GREM2: variants seen among roughly 807,000 people sequenced by gnomAD.
GREM2 encodes gremlin 2, DAN family BMP antagonist, also known as gremlin-2.
In GREM2, 11 loss-of-function variants were observed where a neutral mutation model predicts 14.2. The ratio of observed to expected loss-of-function variants is 0.78; its 90% CI spans 0.49 to 1.28. GREM2 has a LOEUF of 1.28. Ranked by LOEUF, GREM2 falls within the 50% of genes most tolerant of loss-of-function variation. The probability of loss-of-function intolerance (pLI) is 0.00; values close to 1 mark genes in which losing one functional copy is unlikely to be tolerated. For missense variants in GREM2, 210 were observed against 218.5 expected (o/e 0.96, Z 0.24); for synonymous variants, 98 against 97.6 (o/e 1.00, Z -0.02).
chr1:240,571,734 G>A (rs778144834), intron 1 of GREM2, among the ~76,000 whole-genome samples: 3 of 152,012 alleles, frequency 2.0e-5, no homozygotes, highest in Non-Finnish European at 4.4e-5. Flanking sequence ...AAAAAGATTT[G>A]GGTCAATTTC....
intron 1 of GREM2, among the ~76,000 whole-genome samples, chr1:240,509,258 T>C (rs1017811806): frequency 2.0e-5 from 3 of 151,316 alleles, no homozygotes; most frequent in African/African-American, 4.9e-5. Flanking sequence ...CCGGGCCCAG[T>C]GGACAGGGTG....
At chr1:240,562,976 GTA>G (rs1247572374) in intron 1 of GREM2, among the ~76,000 whole-genome samples, 2 of 148,170 alleles carry the variant, frequency 1.3e-5, no homozygotes, top group African/African-American at 2.6e-5. Flanking sequence ...GTGTATGTGT[GTA>G]TATGTAAGTG....
At chr1:240,552,797 T>G (rs1021804872) in intron 1 of GREM2, among the ~76,000 whole-genome samples, 14 of 152,218 alleles carry the variant, frequency 9.2e-5, no homozygotes, top group South Asian at 8.3e-4. Context: ...ATGCTGTACT[T>G]GAAAGTTTTT....
Position 240,543,411 on chromosome 1 carries a change from T to TA in GREM2, c.-1-49936dup, listed in dbSNP as rs1678644293. Reference sequence around the variant, plus strand: ...AGCAAAATCACGTCTTACATGGTGGTAAGCAGGAGAGTTTGTTCAGGGGAA... The same window carrying TA: ...AGCAAAATCACGTCTTACATGGTGGTAAAGCAGGAGAGTTTGTTCAGGGGAA... On this transcript the variant is annotated intron_variant, in intron 1 of 1. Transcript: ENST00000318160. The surrounding 1 kb of genome is among the most constrained non-coding windows in gnomAD (Gnocchi z 6.4). Among the ~76,000 whole-genome samples, 1 of 152,198 alleles carries TA rather than the reference T, an allele frequency of 6.6e-6. No homozygotes were observed. Among genetic ancestry groups the TA allele is most frequent in the Admixed American group, 6.5e-5 (1 of 15,278 alleles).
chr1:240,603,190 C>G (rs377723833), intron 1 of GREM2, among the ~76,000 whole-genome samples: 1 of 152,196 alleles, frequency 6.6e-6, no homozygotes, highest in Non-Finnish European at 1.5e-5. Flanking sequence ...ACCAGCCACA[C>G]CTGATCATCA....
intron 1 of GREM2, among the ~76,000 whole-genome samples, chr1:240,561,227 A>T (rs1679029869): frequency 6.6e-6 from 1 of 151,976 alleles, no homozygotes; most frequent in Non-Finnish European, 1.5e-5. Flanking sequence ...TTTCTTGCAT[A>T]CCCCATAGTG....
At chr1:240,537,264 T>C (rs1678493902) in intron 1 of GREM2, among the ~76,000 whole-genome samples, 1 of 151,856 alleles carries the variant, frequency 6.6e-6, no homozygotes, top group East Asian at 1.9e-4. Context: ...GGAAAGAAAA[T>C]GCTGGACAAA....
At chr1:240,610,230 TG>T in intron 1 of GREM2, among the ~76,000 whole-genome samples, 1 of 152,308 alleles carries the variant, frequency 6.6e-6, no homozygotes, top group East Asian at 1.9e-4. Context: ...AGAATGTAGT[TG>T]GGTCGATTAA....
intron 1 of GREM2, among the ~76,000 whole-genome samples, chr1:240,517,016 A>T (rs530278891): frequency 2.0e-5 from 3 of 152,280 alleles, no homozygotes; most frequent in East Asian, 3.9e-4. Context: ...GAGTTTCCTC[A>T]TCTATAAACT....
At chr1:240,554,216 G>A (rs777253771) in intron 1 of GREM2, among the ~76,000 whole-genome samples, 1 of 152,044 alleles carries the variant, frequency 6.6e-6, no homozygotes, top group Non-Finnish European at 1.5e-5. Flanking sequence ...TTAGAGACCA[G>A]CCTGGCCAAC....
At chr1:240,533,127 G>A (rs1163907226) in intron 1 of GREM2, among the ~76,000 whole-genome samples, 1 of 152,212 alleles carries the variant, frequency 6.6e-6, no homozygotes, top group East Asian at 1.9e-4. Context: ...ATTATGAGAT[G>A]TATGAGACAG....
Position 240,538,700 on chromosome 1 carries a change from C to T in GREM2, c.-1-45224G>A, listed in dbSNP as rs144391179. Reference sequence around the variant, plus strand: ...GCCACTCACTACCCTCCAGCCTGGGCGACATAGCCAGATACTGTCAAAAAC... The same window carrying T: ...GCCACTCACTACCCTCCAGCCTGGGTGACATAGCCAGATACTGTCAAAAAC... On this transcript the variant is annotated intron_variant, in intron 1 of 1. Coordinates refer to ENST00000318160, the MANE Select transcript of GREM2 (RefSeq NM_022469.4). Among the ~76,000 whole-genome samples the T allele has an allele frequency of 5.1e-4, 77 of 152,124 alleles. 1 individual carries two copies. The highest frequency in any genetic ancestry group is 1.6e-3 in the African/African-American group (68 of 41,502).
chr1:240,489,986 T>G lies in GREM2; in HGVS notation c.*2983A>C, dbSNP rs1176613881. ...GATTGTGGATTTTATTTTTTATTGATTACGGAGTTTTCTTAAATGGCAGAT... is the reference window on the plus strand; with the variant it reads ...GATTGTGGATTTTATTTTTTATTGAGTACGGAGTTTTCTTAAATGGCAGAT... On this transcript the variant is annotated 3_prime_UTR_variant, in exon 2 of 2. Transcript: ENST00000318160. 1.3e-5 allele frequency: 2 copies of G among 152,232 alleles called. No homozygotes were observed. Among genetic ancestry groups the G allele is most frequent in the Admixed American group, 1.3e-4 (2 of 15,286 alleles). The allele number at this position is 152,232 out of a possible 1,614,324, so 9.4% of individuals were successfully genotyped here.
chr1:240,543,168 G>A lies in GREM2; in HGVS notation c.-1-49692C>T, dbSNP rs988661124. ...TCAGATTGTGGATCACCTAAGGCTAGGGCCAGGCTTGCTTCACTGAAGACT... is the reference window on the plus strand; with the variant it reads ...TCAGATTGTGGATCACCTAAGGCTAAGGCCAGGCTTGCTTCACTGAAGACT... On this transcript the variant is annotated intron_variant, in intron 1 of 1. Coordinates refer to ENST00000318160, the MANE Select transcript of GREM2 (RefSeq NM_022469.4). The surrounding 1 kb of genome is among the most constrained non-coding windows in gnomAD (Gnocchi z 6.4). 4.6e-5 allele frequency among the ~76,000 whole-genome samples: 7 copies of A among 152,202 alleles called. No homozygotes were observed. Among genetic ancestry groups the A allele is most frequent in the Non-Finnish European group, 7.3e-5 (5 of 68,040 alleles).
chr1:240,514,586 C>T (rs78563810), intron 1 of GREM2, among the ~76,000 whole-genome samples: 1,886 of 152,184 alleles, frequency 0.012, 16 homozygotes, highest in South Asian at 0.018. Context: ...GGTCCTCCAG[C>T]CTTAAAAAGT....
At chr1:240,568,773 T>C (rs751616371) in intron 1 of GREM2, among the ~76,000 whole-genome samples, 2 of 152,182 alleles carry the variant, frequency 1.3e-5, no homozygotes, top group African/African-American at 2.4e-5. Context: ...GAAAATCTAA[T>C]GGAATTTATA....
At chr1:240,537,448 A>T (rs1678497381) in intron 1 of GREM2, among the ~76,000 whole-genome samples, 1 of 152,158 alleles carries the variant, frequency 6.6e-6, no homozygotes, top group Non-Finnish European at 1.5e-5. Flanking sequence ...TGCAAAAAAC[A>T]GCACTGACAA....
chr1:240,546,341 T>TA (rs10610583), intron 1 of GREM2, among the ~76,000 whole-genome samples: 134 of 146,258 alleles, frequency 9.2e-4, no homozygotes, highest in Middle Eastern at 3.6e-3. Flanking sequence ...AGACTCAGTC[T>TA]AAAAAAAAAA....
chr1:240,577,328 AG>A (rs1463362915), intron 1 of GREM2, among the ~76,000 whole-genome samples: 3 of 130,894 alleles, frequency 2.3e-5, no homozygotes, highest in African/African-American at 1.1e-4. Flanking sequence ...GTGTCATACA[AG>A]GAAAAAAAAA....
Sources: gnomAD v4.1 joint callset for allele counts (sites outside exome capture counted in the v4.1 genomes callset) on GRCh38, gnomAD v4.1.1 for gene constraint, Gnocchi (gnomAD v3.1) non-coding constraint, MANE v1.5 for transcripts, NCBI Gene and HGNC (gene_info 2026-07-23, HGNC 2026-07-21) for gene names.